The following METRNL variants were observed in gnomAD, a reference collection of about 807,000 sequenced individuals.
The protein encoded by METRNL is meteorin like, glial cell differentiation regulator.
Under a neutral mutation model 17.4 loss-of-function variants are expected in METRNL, and 9 were observed. The observed-to-expected ratio is 0.52, with a 90% confidence interval of 0.31 to 0.90. METRNL has a LOEUF of 0.90. Among genes scored for constraint, METRNL ranks in the 40% least tolerant of loss-of-function variants. The pLI, the probability that METRNL is intolerant of heterozygous loss-of-function variation, is 0.05. For missense variants in METRNL, 408 were observed against 430.7 expected (o/e 0.95, Z 0.47); for synonymous variants, 215 against 199.3 (o/e 1.08, Z -0.66).
At chr17:83,088,782 G>C (rs1489858532) in intron 2 of METRNL, among the ~76,000 whole-genome samples, 2 of 145,508 alleles carry the variant, frequency 1.4e-5, no homozygotes, top group African/African-American at 5.0e-5. Context: ...AGCCCCTGCC[G>C]ATGAGCCCCC....
intron 1 of METRNL, chr17:83,082,062 C>G: frequency 4.1e-6 from 4 of 985,374 alleles, no homozygotes; most frequent in Non-Finnish European, 4.8e-6. Flanking sequence ...CTGGGTGTTT[C>G]TTCTAAGCAG....
At chr17:83,090,681 C>T (rs1027150431) in intron 2 of METRNL, among the ~76,000 whole-genome samples, 2 of 151,206 alleles carry the variant, frequency 1.3e-5, no homozygotes, top group Non-Finnish European at 3.0e-5. Context: ...CACCACGCTT[C>T]TGTCGTTGAC....
At chr17:83,081,666 CCA>C (rs543201996) in intron 1 of METRNL, among the ~76,000 whole-genome samples, 348 of 151,304 alleles carry the variant, frequency 2.3e-3, no homozygotes, top group African/African-American at 8.0e-3. Flanking sequence ...GGGGACCCCC[CCA>C]CACACACACA....
At chr17:83,083,267 GT>G (rs1211721513) in intron 1 of METRNL, among the ~76,000 whole-genome samples, 6 of 152,244 alleles carry the variant, frequency 3.9e-5, no homozygotes, top group African/African-American at 1.2e-4. Context: ...GCTGTCAGAG[GT>G]GACCAGAGCC....
chr17:83,091,416 C>T lies in METRNL; in HGVS notation c.557-1751C>T, dbSNP rs558644479. Among the ~76,000 whole-genome samples, 4 of 152,212 alleles carry T rather than the reference C, an allele frequency of 2.6e-5. No individual in the cohort carries two copies. The South Asian group carries it at 8.3e-4, about 31-fold the overall frequency. On this transcript the variant is annotated intron_variant, in intron 2 of 3. Coordinates refer to ENST00000320095, the MANE Select transcript of METRNL (RefSeq NM_001004431.3). ...GTCTCTGGGTCCCTCCTACCTCCAC[C>T]CTGCGGGGTCCACAAAGACCTGCGC...
intron 1 of METRNL, among the ~76,000 whole-genome samples, chr17:83,082,641 G>A (rs960140232): frequency 1.3e-5 from 2 of 152,242 alleles, no homozygotes; most frequent in Non-Finnish European, 2.9e-5. Flanking sequence ...GACCATTAAA[G>A]ATAGGTCACA....
intron 2 of METRNL, among the ~76,000 whole-genome samples, chr17:83,088,994 C>T (rs924729147): frequency 3.9e-5 from 6 of 152,116 alleles, no homozygotes; most frequent in Non-Finnish European, 8.8e-5. Context: ...CATCTCTGGG[C>T]TTGTGGAGAG....
At chr17:83,089,892 G>GGCTGCAGGC (rs971308344) in intron 2 of METRNL, among the ~76,000 whole-genome samples, 10 of 152,076 alleles carry the variant, frequency 6.6e-5, no homozygotes, top group African/African-American at 2.4e-4. Flanking sequence ...TAGCAGGCGA[G>GGCTGCAGGC]GCTGCAGGCA....
rs150934544 is a variant in METRNL, at chr17:83,084,998, G to A, written c.231G>A (p.Ala77=). 696 of 1,613,700 alleles carry A rather than the reference G, an allele frequency of 4.3e-4. 3 individuals are homozygous for A. The African/African-American group carries it at 7.9e-3, about 18-fold the overall frequency. Residue 77 remains alanine, a synonymous_variant, in exon 2 of 4, where the codon GCG becomes GCA. Transcript: ENST00000320095. ...AGCAGGTGTATCTGCGCTGTGCGGC[G>A]GGTGCCGTGGAGTGGATGTACCCAA... ...EVEQVYLRCA[A]GAVEWMYPTG... is the part of the protein sequence containing the mutation.
chr17:83,087,159 T>TAC (rs2038061954), intron 2 of METRNL, among the ~76,000 whole-genome samples: 1 of 152,158 alleles, frequency 6.6e-6, no homozygotes, highest in Non-Finnish European at 1.5e-5. Flanking sequence ...GTGGCCCCAG[T>TAC]ACACGTCAGG....
intron 2 of METRNL, among the ~76,000 whole-genome samples, chr17:83,091,041 G>A (rs1049449621): frequency 6.6e-6 from 1 of 152,186 alleles, no homozygotes; most frequent in Admixed American, 6.5e-5. Flanking sequence ...CAGCTTGGGG[G>A]TCAGGAGGCC....
chr17:83,087,629 C>T (rs998431844), intron 2 of METRNL, among the ~76,000 whole-genome samples: 32 of 152,312 alleles, frequency 2.1e-4, no homozygotes, highest in African/African-American at 6.0e-4. Flanking sequence ...CGGTGCCGGC[C>T]GTCTGGCAGC....
intron 2 of METRNL, among the ~76,000 whole-genome samples, chr17:83,085,809 CA>C (rs1410953543): frequency 6.6e-6 from 1 of 152,192 alleles, no homozygotes; most frequent in Non-Finnish European, 1.5e-5. Flanking sequence ...TTTTGCCATT[CA>C]AACTGCCCTG....
At chr17:83,085,459 C>G (rs890740485) in intron 2 of METRNL, 136 bp downstream of exon 2, 16 of 1,235,108 alleles carry the variant, frequency 1.3e-5, no homozygotes, top group African/African-American at 9.1e-5. Flanking sequence ...GTGCTTCGGA[C>G]ATGACTGTTT....
In METRNL at chr17:83,084,770, C is replaced by G. The variant is rs967898410; in HGVS notation, c.171-168C>G. On this transcript the variant is annotated intron_variant, in intron 1 of 3. Coordinates refer to ENST00000320095, the MANE Select transcript of METRNL (RefSeq NM_001004431.3). The stretch of plus-strand genomic sequence containing the variant: ...TTGTGCCGAAGGGCGGAGATGGCGC[C>G]GGCCTGCCTCACGGGCAGGGGTCCG... The G allele has an allele frequency of 6.6e-6, 5 of 757,856 alleles. No homozygotes were observed. The South Asian group carries it at 9.0e-5, about 14-fold the overall frequency. The allele number at this position is 757,856 out of a possible 1,614,324, so 46.9% of individuals were successfully genotyped here. A position where few individuals can be genotyped will look rare whatever the true frequency, so the allele number is the denominator to read the frequency against.
intron 1 of METRNL, chr17:83,082,318 C>A: frequency 1.1e-6 from 1 of 948,470 alleles, no homozygotes; most frequent in South Asian, 4.9e-5. Flanking sequence ...CCTGGTGACC[C>A]AGAGTTGTGG....
chr17:83,088,558 G>C (rs1051650767), intron 2 of METRNL, among the ~76,000 whole-genome samples: 1 of 152,184 alleles, frequency 6.6e-6, no homozygotes, highest in Admixed American at 6.5e-5. Flanking sequence ...AGGCCCCAGT[G>C]AGCAGGTGCC....
chr17:83,080,909 C>A lies in METRNL; in HGVS notation c.170+924C>A, dbSNP rs900860635. On this transcript the variant is annotated intron_variant, in intron 1 of 3. Coordinates refer to ENST00000320095, the MANE Select transcript of METRNL (RefSeq NM_001004431.3). Reference sequence around the variant, plus strand: ...CGCGGGCCGAGTCACGCGGTGATGTCGAGCGAAGCTGTTTTCCGAGAAGGT... The same window carrying A: ...CGCGGGCCGAGTCACGCGGTGATGTAGAGCGAAGCTGTTTTCCGAGAAGGT... 4.6e-5 allele frequency among the ~76,000 whole-genome samples: 7 copies of A among 151,162 alleles called. No homozygotes were observed. In the East Asian group the frequency reaches 7.9e-4, roughly 17 times the overall value.
chr17:83,079,644 C>T lies in METRNL; in HGVS notation c.-172C>T, dbSNP rs1463867415. 8 of 157,442 alleles carry T rather than the reference C, an allele frequency of 5.1e-5. No homozygotes were observed. The South Asian group carries it at 1.4e-3, about 27-fold the overall frequency. 9.8% of individuals were successfully genotyped at this position (157,442 alleles called of 1,614,324 possible). The stretch of plus-strand genomic sequence containing the variant: ...CGGCGGCGGCGGGCGCGGAGCTCTG[C>T]GCGCGGCTCCAGCGGGCCGGGATGG... On this transcript the variant is annotated 5_prime_UTR_variant, in exon 1 of 4. Coordinates refer to ENST00000320095, the MANE Select transcript of METRNL (RefSeq NM_001004431.3).
Sources: allele counts gnomAD v4.1 joint callset (sites outside exome capture counted in the v4.1 genomes callset), GRCh38; gene constraint gnomAD v4.1.1; transcripts MANE v1.5; gene names NCBI Gene and HGNC (gene_info 2026-07-23, HGNC 2026-07-21).